Variants in PCDH15 observed in about 807,000 individuals in gnomAD.
PCDH15 encodes the protein protocadherin related 15.
Under a neutral mutation model 178.5 loss-of-function variants are expected in PCDH15, and 129 were observed. The ratio of observed to expected loss-of-function variants is 0.72; its 90% CI spans 0.63 to 0.84. The LOEUF is 0.84. Ranked by LOEUF, PCDH15 falls within the 40% of genes least tolerant of loss-of-function variation. PCDH15 has a pLI of 0.00. For synonymous variants in PCDH15, 800 were observed against 732.0 expected (o/e 1.09, Z -1.50); for missense variants, 2,230 against 2,099.9 (o/e 1.06, Z -1.21).
chr10:55,031,953 C>T (rs918988663), intron 2 of PCDH15, among the ~76,000 whole-genome samples: 52 of 152,188 alleles, frequency 3.4e-4, no homozygotes, highest in African/African-American at 1.2e-3. Flanking sequence ...ATTGTTGTAA[C>T]AAATATCTAA....
At chr10:54,216,723 A>T (rs4935509) in intron 9 of PCDH15, among the ~76,000 whole-genome samples, 3 of 152,068 alleles carry the variant, frequency 2.0e-5, no homozygotes, top group Middle Eastern at 3.2e-3. Context: ...AAATTTATGA[A>T]GGAGAGTATG....
At chr10:55,290,490 G>GA (rs1842981592) in intron 1 of PCDH15, among the ~76,000 whole-genome samples, 2 of 152,064 alleles carry the variant, frequency 1.3e-5, no homozygotes, top group South Asian at 4.1e-4. Context: ...TAAGGAAAGT[G>GA]AAAATTTGCT....
intron 2 of PCDH15, among the ~76,000 whole-genome samples, chr10:54,908,531 A>G (rs1453377590): frequency 6.6e-6 from 1 of 152,172 alleles, no homozygotes; most frequent in East Asian, 1.9e-4. Flanking sequence ...CACCTGCAAC[A>G]TGGCAGGCAA....
intron 15 of PCDH15, among the ~76,000 whole-genome samples, chr10:54,099,372 C>CGCCTGTAGTCCCAGCTA (rs2094762095): frequency 6.6e-6 from 1 of 151,102 alleles, no homozygotes; most frequent in Non-Finnish European, 1.5e-5. Flanking sequence ...TGGTGGTGGG[C>CGCCTGTAGTCCCAGCTA]GCCTGTAGTC....
rs575163198 is a variant in PCDH15 at position 54,834,011 on chromosome 10, T to C, written c.-29+63439A>G. Among the ~76,000 whole-genome samples, 301 of 152,184 alleles carry C rather than the reference T, an allele frequency of 2.0e-3. 1 individual carries two copies. The highest frequency in any genetic ancestry group is 6.9e-3 in the African/African-American group (287 of 41,512). On this transcript the variant is annotated intron_variant, in intron 3 of 5. Transcript: ENST00000458638. ...CTGGGCTATAGAATGGGAGAAATCT[T>C]CTTTGGTTATGTTAATGATACTTAT...
intron 8 of PCDH15, among the ~76,000 whole-genome samples, chr10:54,287,813 A>T (rs974870800): frequency 1.3e-5 from 2 of 152,164 alleles, no homozygotes. Flanking sequence ...TTGGGATTCA[A>T]TTCTATTTAA....
At chr10:54,702,677 C>A (rs921061131) in intron 1 of PCDH15, among the ~76,000 whole-genome samples, 1 of 151,566 alleles carries the variant, frequency 6.6e-6, no homozygotes, top group Non-Finnish European at 1.5e-5. Context: ...CAACCCTGAA[C>A]AGAGAAATAA....
Position 55,334,240 on chromosome 10 carries a change from ATATG to A in PCDH15, c.-155-167593_-155-167590del, listed in dbSNP as rs1202654494. On this transcript the variant is annotated intron_variant, in intron 2 of 5. Transcript: ENST00000613346. ...GTGCTCCATATATATATATATATAT[ATATG>A]TGTGTGTGTGTGTGTGTGTGTGTGT... 3.6e-4 allele frequency among the ~76,000 whole-genome samples: 32 copies of A among 88,626 alleles called. No homozygotes were observed. In the South Asian group the frequency reaches 5.8e-3, roughly 16 times the overall value. 58.1% of individuals were successfully genotyped at this position (88,626 alleles called of 152,430 possible). A position where few individuals can be genotyped will look rare whatever the true frequency, so the allele number is the denominator to read the frequency against.
intron 21 of PCDH15, among the ~76,000 whole-genome samples, chr10:53,977,419 T>C (rs1229252290): frequency 6.6e-6 from 1 of 152,238 alleles, no homozygotes; most frequent in East Asian, 1.9e-4. Flanking sequence ...ATGTGGCCTA[T>C]GGGCCATGAG....
intron 1 of PCDH15, among the ~76,000 whole-genome samples, chr10:54,717,989 T>A (rs1318207138): frequency 1.4e-5 from 2 of 147,762 alleles, no homozygotes; most frequent in Non-Finnish European, 3.0e-5. Flanking sequence ...GAAATCATCA[T>A]TCTCAGTAAA....
At chr10:53,926,417 G>A (rs1053858538) in intron 25 of PCDH15, among the ~76,000 whole-genome samples, 1 of 152,112 alleles carries the variant, frequency 6.6e-6, no homozygotes, top group African/African-American at 2.4e-5. Flanking sequence ...AAGTAGGTTT[G>A]GAAAAGAGAT....
At chr10:55,109,838 A>C (rs945763966) in intron 2 of PCDH15, among the ~76,000 whole-genome samples, 4 of 152,058 alleles carry the variant, frequency 2.6e-5, no homozygotes, top group African/African-American at 9.7e-5. Context: ...TATTCTCGAA[A>C]TTTATTATGA....
chr10:54,438,268 CTTTTTTTT>C (rs1039826987), intron 3 of PCDH15, among the ~76,000 whole-genome samples: 1 of 93,992 alleles, frequency 1.1e-5, no homozygotes, highest in Non-Finnish European at 2.1e-5. Context: ...AAGAGAAAAG[CTTTTTTTT>C]TTTTTTTTTT....
chr10:53,888,664 GATATATATATATATATATATATAT>G (rs59914675), intron 26 of PCDH15, among the ~76,000 whole-genome samples: 3,979 of 17,038 alleles, frequency 0.23, 547 homozygotes, highest in East Asian at 0.39. Context: ...AGTTAAGTTT[GATATATATATATATATATATATAT>G]ATATATATAT....
At chr10:54,384,370 C>T (rs1949671435) in intron 3 of PCDH15, among the ~76,000 whole-genome samples, 1 of 149,908 alleles carries the variant, frequency 6.7e-6, no homozygotes, top group South Asian at 2.2e-4. Context: ...TGTGAAATTC[C>T]TTTTTTTAGT....
At chr10:54,789,184 A>C (rs559365790) in intron 1 of PCDH15, among the ~76,000 whole-genome samples, 13 of 151,942 alleles carry the variant, frequency 8.6e-5, no homozygotes, top group Non-Finnish European at 1.8e-4. Flanking sequence ...CTTTGGTATG[A>C]CCAACACCAA....
chr10:54,764,256 G>T (rs1948243483), intron 1 of PCDH15, among the ~76,000 whole-genome samples: 1 of 152,008 alleles, frequency 6.6e-6, no homozygotes, highest in Non-Finnish European at 1.5e-5. Flanking sequence ...CTAATTCAAA[G>T]TACAAGAACA....
chr10:54,570,230 G>A (rs554793438), intron 2 of PCDH15, among the ~76,000 whole-genome samples: 38 of 152,088 alleles, frequency 2.5e-4, no homozygotes, highest in Non-Finnish European at 4.3e-4. Context: ...GGCTATATAC[G>A]TGACTTCCTG....
chr10:55,202,701 C>T (rs1591986487), intron 1 of PCDH15, among the ~76,000 whole-genome samples: 3 of 152,100 alleles, frequency 2.0e-5, no homozygotes, highest in South Asian at 2.1e-4. Flanking sequence ...GTAATCCCCC[C>T]GTGTCAAGGG....
Sources: gnomAD v4.1 joint callset for allele counts (sites outside exome capture counted in the v4.1 genomes callset) on GRCh38, gnomAD v4.1.1 for gene constraint, MANE v1.5 for transcripts, NCBI Gene and HGNC (gene_info 2026-07-23, HGNC 2026-07-21) for gene names.